The following GALNT13 variants were observed in gnomAD, a reference collection of about 807,000 sequenced individuals.
GALNT13 encodes polypeptide N-acetylgalactosaminyltransferase 13.
Under a neutral mutation model 64.2 loss-of-function variants are expected in GALNT13, and 28 were observed. The ratio of observed to expected loss-of-function variants is 0.44; its 90% CI spans 0.32 to 0.60. The LOEUF (loss-of-function observed/expected upper bound fraction) is 0.60, where lower values mean the gene tolerates loss of function less well. Ranked by LOEUF, GALNT13 falls within the 20% of genes least tolerant of loss-of-function variation. The pLI is 0.05. For synonymous variants in GALNT13, 214 were observed against 224.6 expected (o/e 0.95, Z 0.42); for missense variants, 577 against 669.8 (o/e 0.86, Z 1.53).
At chr2:153,514,998 G>C in the GALNT13 span, among the ~76,000 whole-genome samples, 1 of 152,076 alleles carries the variant, frequency 6.6e-6, no homozygotes, top group Non-Finnish European at 1.5e-5. Flanking sequence ...TCCCACCCAA[G>C]ACCCCTAAGG....
At chr2:154,072,171 G>C (rs1463730074) in intron 3 of GALNT13, among the ~76,000 whole-genome samples, 1 of 152,060 alleles carries the variant, frequency 6.6e-6, no homozygotes, top group Admixed American at 6.6e-5. Context: ...ACAGGCAAGC[G>C]TAGAGAATAG....
chr2:153,253,238 T>C, the GALNT13 span, among the ~76,000 whole-genome samples: 1 of 149,714 alleles, frequency 6.7e-6, no homozygotes, highest in Admixed American at 6.7e-5. Context: ...CAATTGTGAA[T>C]GGGAGTTCAC....
At chr2:153,257,193 C>T in the GALNT13 span, among the ~76,000 whole-genome samples, 278 of 152,304 alleles carry the variant, frequency 1.8e-3, 7 homozygotes, top group East Asian at 0.043. Flanking sequence ...GCGCAGTATT[C>T]GGGTGGGAGT....
chr2:154,365,068 G>A lies in GALNT13; in HGVS notation c.1157-30923G>A, dbSNP rs145442860. 3.1e-3 allele frequency among the ~76,000 whole-genome samples: 471 copies of A among 152,190 alleles called. 1 individual carries two copies. Among genetic ancestry groups the A allele is most frequent in the African/African-American group, 0.011 (443 of 41,532 alleles). ...CTACTAGACAAACTAGTTCAACATC[G>A]TTCAATTTTCACATGAAAATTAGCA... On this transcript the variant is annotated intron_variant, in intron 9 of 12. Transcript: ENST00000392825.
the GALNT13 span, among the ~76,000 whole-genome samples, chr2:153,069,415 G>C: frequency 6.6e-6 from 1 of 152,146 alleles, no homozygotes; most frequent in Non-Finnish European, 1.5e-5. Context: ...AAGGGTTGGA[G>C]TACATCCAAT....
chr2:154,292,089 G>A (rs1692678262), intron 8 of GALNT13, among the ~76,000 whole-genome samples: 1 of 152,132 alleles, frequency 6.6e-6, no homozygotes, highest in African/African-American at 2.4e-5. Flanking sequence ...GGTGGAGCTA[G>A]TGTATGAGTG....
At chr2:153,785,543 C>A in the GALNT13 span, among the ~76,000 whole-genome samples, 1 of 152,198 alleles carries the variant, frequency 6.6e-6, no homozygotes, top group East Asian at 1.9e-4. Context: ...CAGTATCTCC[C>A]TACTGGGTGA....
chr2:153,825,036 A>G, the GALNT13 span, among the ~76,000 whole-genome samples: 1 of 152,224 alleles, frequency 6.6e-6, no homozygotes, highest in Non-Finnish European at 1.5e-5. Flanking sequence ...GTAGTTCTTT[A>G]TAGCAGTGTG....
At chr2:153,271,335 T>C in the GALNT13 span, among the ~76,000 whole-genome samples, 1 of 152,220 alleles carries the variant, frequency 6.6e-6, no homozygotes, top group East Asian at 1.9e-4. Context: ...AAATTGTCTC[T>C]GTTTGCAGAT....
the GALNT13 span, among the ~76,000 whole-genome samples, chr2:153,330,690 G>A: frequency 1.3e-5 from 2 of 151,892 alleles, no homozygotes; most frequent in Non-Finnish European, 2.9e-5. Flanking sequence ...AGTCTTTGGG[G>A]GTTTTCTAGG....
chr2:153,449,038 G>A, the GALNT13 span, among the ~76,000 whole-genome samples: 1 of 151,788 alleles, frequency 6.6e-6, no homozygotes, highest in African/African-American at 2.4e-5. Flanking sequence ...TTATCTCTTT[G>A]TGTGTCTTTC....
At chr2:153,198,001 G>A in the GALNT13 span, among the ~76,000 whole-genome samples, 8 of 152,284 alleles carry the variant, frequency 5.3e-5, no homozygotes, top group Non-Finnish European at 1.2e-4. Context: ...CCTTGGCCCT[G>A]CTTGTAAGGT....
the GALNT13 span, among the ~76,000 whole-genome samples, chr2:153,242,805 C>T: frequency 6.6e-6 from 1 of 152,156 alleles, no homozygotes; most frequent in South Asian, 2.1e-4. Flanking sequence ...CAGCCTGGGA[C>T]TCCTGGGGAA....
chr2:153,895,130 G>A (rs1342152317), intron 1 of GALNT13, among the ~76,000 whole-genome samples: 1 of 152,100 alleles, frequency 6.6e-6, no homozygotes, highest in African/African-American at 2.4e-5. Flanking sequence ...ACTGAAATAA[G>A]TTGGCTGTGT....
the GALNT13 span, among the ~76,000 whole-genome samples, chr2:153,840,319 AAACTACATTTTAAG>A: frequency 6.6e-6 from 1 of 152,122 alleles, no homozygotes; most frequent in Admixed American, 6.6e-5. Context: ...TTTACATTTA[AAACTACATTTTAAG>A]AAACAAAATG....
chr2:153,904,457 A>C (rs1057457175), intron 2 of GALNT13, among the ~76,000 whole-genome samples: 2 of 151,856 alleles, frequency 1.3e-5, no homozygotes, highest in African/African-American at 2.4e-5. Context: ...AGTGTGTAAG[A>C]GTTTCCATTG....
intron 7 of GALNT13, among the ~76,000 whole-genome samples, chr2:154,250,353 A>G (rs1690004924): frequency 1.3e-5 from 2 of 152,156 alleles, no homozygotes; most frequent in Admixed American, 6.5e-5. Context: ...TTGATATATC[A>G]TCAATATTTT....
At chr2:154,201,362 A>G (rs2105779863) in intron 4 of GALNT13, among the ~76,000 whole-genome samples, 1 of 152,256 alleles carries the variant, frequency 6.6e-6, no homozygotes, top group South Asian at 2.1e-4. Flanking sequence ...CTTTCTTGAC[A>G]GAAATTCAAT....
chr2:154,196,355 A>G (rs1218000312), intron 4 of GALNT13, among the ~76,000 whole-genome samples: 13 of 152,196 alleles, frequency 8.5e-5, no homozygotes, highest in Admixed American at 8.5e-4. Context: ...TACATACAAC[A>G]TAAAGAGTTC....
Sources: allele counts gnomAD v4.1 joint callset (sites outside exome capture counted in the v4.1 genomes callset), GRCh38; gene constraint gnomAD v4.1.1; transcripts MANE v1.5; gene names NCBI Gene and HGNC (gene_info 2026-07-23, HGNC 2026-07-21).